The following KLHL1 variants were observed in gnomAD, a reference collection of about 807,000 sequenced individuals.
KLHL1 encodes kelch like family member 1, also known as kelch-like protein 1.
A neutral mutation model predicts 77.7 loss-of-function variants in KLHL1; 47 were observed. The ratio of observed to expected loss-of-function variants is 0.60; its 90% CI spans 0.48 to 0.77. The LOEUF (loss-of-function observed/expected upper bound fraction) is 0.77. Ranked by LOEUF, KLHL1 falls within the 30% of genes least tolerant of loss-of-function variation. KLHL1 has a pLI of 0.00. For missense variants in KLHL1, 925 were observed against 910.8 expected (o/e 1.02, Z -0.20); for synonymous variants, 360 against 325.2 (o/e 1.11, Z -1.15).
intron 4 of KLHL1, among the ~76,000 whole-genome samples, chr13:69,884,181 A>G (rs756654895): frequency 4.1e-4 from 63 of 152,176 alleles, no homozygotes; most frequent in Non-Finnish European, 7.5e-4. Context: ...AAGGGCACTA[A>G]CTTACTTTCT....
intron 5 of KLHL1, among the ~76,000 whole-genome samples, chr13:69,849,472 C>T (rs549828662): frequency 1.3e-5 from 2 of 151,414 alleles, no homozygotes; most frequent in African/African-American, 4.8e-5. Flanking sequence ...TTAAGCCAAG[C>T]ACATTTATGC....
At chr13:69,732,671 TGTGA>T (rs1224704017) in intron 8 of KLHL1, among the ~76,000 whole-genome samples, 4 of 151,428 alleles carry the variant, frequency 2.6e-5, no homozygotes, top group East Asian at 3.9e-4. Flanking sequence ...TTTTTTTTCC[TGTGA>T]GTGTCACCCC....
intron 7 of KLHL1, among the ~76,000 whole-genome samples, chr13:69,772,144 G>T (rs1051574720): frequency 1.3e-5 from 2 of 151,918 alleles, no homozygotes; most frequent in African/African-American, 4.8e-5. Flanking sequence ...TAGAGTTGGG[G>T]TTTCACCATG....
chr13:69,904,330 T>C (rs1410664784), intron 4 of KLHL1, among the ~76,000 whole-genome samples: 2 of 152,170 alleles, frequency 1.3e-5, no homozygotes, highest in Non-Finnish European at 2.9e-5. Context: ...TTGAGAATAA[T>C]AGAATATGAA....
intron 7 of KLHL1, among the ~76,000 whole-genome samples, chr13:69,768,475 C>T (rs1486628634): frequency 2.0e-5 from 3 of 151,910 alleles, no homozygotes; most frequent in East Asian, 1.9e-4. Context: ...AAACTTAAGC[C>T]TAGAATACCA....
intron 1 of KLHL1, among the ~76,000 whole-genome samples, chr13:69,978,525 C>T (rs934900630): frequency 2.0e-5 from 3 of 150,034 alleles, no homozygotes; most frequent in Non-Finnish European, 4.4e-5. Context: ...CTCACTCTGT[C>T]GCCCAGGTTG....
chr13:69,860,488 A>G (rs1433506574), intron 5 of KLHL1, among the ~76,000 whole-genome samples: 1 of 152,012 alleles, frequency 6.6e-6, no homozygotes, highest in Non-Finnish European at 1.5e-5. Flanking sequence ...GTATTTAAAA[A>G]TGAATAAGTT....
At chr13:70,038,581 ATTT>A (rs55885952) in intron 1 of KLHL1, among the ~76,000 whole-genome samples, 7 of 73,050 alleles carry the variant, frequency 9.6e-5, no homozygotes, top group East Asian at 1.1e-3. Context: ...ATTGTCATTA[ATTT>A]TTTTTTTTTT....
chr13:69,946,834 G>T (rs1883541214), intron 3 of KLHL1, among the ~76,000 whole-genome samples: 1 of 151,972 alleles, frequency 6.6e-6, no homozygotes, highest in Non-Finnish European at 1.5e-5. Flanking sequence ...CTGAATGTTT[G>T]CAATATATAA....
chr13:69,967,041 C>T (rs9542138), intron 2 of KLHL1, among the ~76,000 whole-genome samples: 93,661 of 151,916 alleles, frequency 0.62, 28,939 homozygotes, highest in South Asian at 0.65. Flanking sequence ...TTCCATATAT[C>T]TGATATTGTG....
chr13:70,033,352 C>G (rs574972100), intron 1 of KLHL1, among the ~76,000 whole-genome samples: 28 of 152,160 alleles, frequency 1.8e-4, no homozygotes, highest in African/African-American at 5.8e-4. Flanking sequence ...GGCAGTGGCG[C>G]GCTCTCGGCT....
intron 6 of KLHL1, among the ~76,000 whole-genome samples, chr13:69,834,581 C>T (rs1471332328): frequency 2.6e-5 from 4 of 152,082 alleles, no homozygotes; most frequent in African/African-American, 7.2e-5. Context: ...GAGACTTGTC[C>T]ACTTTGGATA....
intron 3 of KLHL1, among the ~76,000 whole-genome samples, chr13:69,948,957 A>T (rs1438894050): frequency 6.6e-6 from 1 of 151,938 alleles, no homozygotes; most frequent in African/African-American, 2.4e-5. Context: ...TCACTCTAGA[A>T]ATTCAAACCT....
At chr13:69,836,880 A>C (rs1289374020) in intron 6 of KLHL1, among the ~76,000 whole-genome samples, 3 of 151,988 alleles carry the variant, frequency 2.0e-5, no homozygotes, top group African/African-American at 7.2e-5. Flanking sequence ...ATTAGAAGAG[A>C]GGTATTAATA....
At chr13:69,956,974 T>C (rs1426785698) in intron 3 of KLHL1, among the ~76,000 whole-genome samples, 1 of 151,690 alleles carries the variant, frequency 6.6e-6, no homozygotes, top group African/African-American at 2.4e-5. Context: ...GATTTGAACA[T>C]AGAGTGATAA....
At chr13:70,063,952 T>C (rs1886950261) in intron 1 of KLHL1, among the ~76,000 whole-genome samples, 1 of 152,096 alleles carries the variant, frequency 6.6e-6, no homozygotes, top group African/African-American at 2.4e-5. Context: ...GCAGGGCTAA[T>C]TCAAAATTAA....
rs183269467 is a variant in KLHL1 at position 69,733,178 on chromosome 13, T to G, written c.1802+7216A>C. On this transcript the variant is annotated intron_variant, in intron 8 of 10. Coordinates refer to ENST00000377844, the MANE Select transcript of KLHL1 (RefSeq NM_020866.3). The stretch of plus-strand genomic sequence containing the variant: ...TGAATGTTAACTAATATAAACACAG[T>G]AAAAACATCTATAAGAATAAAAGTT... Among the ~76,000 whole-genome samples, 29 of 151,836 alleles carry G rather than the reference T, an allele frequency of 1.9e-4. No homozygotes were observed. The East Asian group carries it at 5.6e-3, about 29-fold the overall frequency.
chr13:69,858,081 A>G (rs1879990583), intron 5 of KLHL1, among the ~76,000 whole-genome samples: 1 of 152,094 alleles, frequency 6.6e-6, no homozygotes, highest in Admixed American at 6.6e-5. Context: ...GCCACGCCCT[A>G]AGGTCAGTTC....
intron 6 of KLHL1, 31 bp downstream of exon 6, chr13:69,838,945 T>C (rs1403042861): frequency 6.7e-7 from 1 of 1,497,026 alleles, no homozygotes; most frequent in African/African-American, 1.4e-5. Context: ...TAACACAGGA[T>C]GTATAGTTAT....
Sources: allele counts gnomAD v4.1 joint callset (sites outside exome capture counted in the v4.1 genomes callset), GRCh38; gene constraint gnomAD v4.1.1; transcripts MANE v1.5; gene names NCBI Gene and HGNC (gene_info 2026-07-23, HGNC 2026-07-21).